CDK14: variants seen among roughly 807,000 people sequenced by gnomAD.
The protein encoded by CDK14 is cyclin-dependent kinase 14.
CDK14 carries 34 observed loss-of-function variants against 60.7 expected under a neutral mutation model. That is an observed-to-expected ratio of 0.56 (90% CI 0.43 to 0.75). The LOEUF (loss-of-function observed/expected upper bound fraction) is 0.75. Ranked by LOEUF, CDK14 falls within the 30% of genes least tolerant of loss-of-function variation. The pLI is 0.00. For missense variants in CDK14, 482 were observed against 564.1 expected (o/e 0.85, Z 1.47); for synonymous variants, 197 against 203.7 (o/e 0.97, Z 0.28).
At chr7:90,820,532 C>T (rs1465833555) in intron 5 of CDK14, among the ~76,000 whole-genome samples, 4 of 152,148 alleles carry the variant, frequency 2.6e-5, no homozygotes, top group Admixed American at 2.0e-4. Context: ...GTAAGATATG[C>T]CTTTCTTCTC....
intron 7 of CDK14, among the ~76,000 whole-genome samples, chr7:90,906,085 A>C (rs1404286500): frequency 1.4e-4 from 21 of 152,176 alleles, no homozygotes; most frequent in Non-Finnish European, 1.2e-4. Context: ...CAGATATGTC[A>C]TGGGTATTTC....
At chr7:91,065,311 A>G (rs550779084) in intron 11 of CDK14, among the ~76,000 whole-genome samples, 4 of 152,268 alleles carry the variant, frequency 2.6e-5, no homozygotes, top group Admixed American at 2.0e-4. Context: ...TCTCACTGAT[A>G]ATGCTGGGGC....
chr7:90,989,253 A>C (rs1795466031), intron 10 of CDK14, among the ~76,000 whole-genome samples: 1 of 152,180 alleles, frequency 6.6e-6, no homozygotes, highest in Non-Finnish European at 1.5e-5. Flanking sequence ...TGTAGAATGT[A>C]AGGGAAAGCT....
At chr7:91,099,901 A>G (rs1799104737) in intron 12 of CDK14, among the ~76,000 whole-genome samples, 1 of 152,128 alleles carries the variant, frequency 6.6e-6, no homozygotes, top group South Asian at 2.1e-4. Context: ...TTGTGAGGTT[A>G]GACTTTTAAG....
intron 7 of CDK14, among the ~76,000 whole-genome samples, chr7:90,906,172 T>C (rs1225745937): frequency 2.6e-5 from 4 of 152,144 alleles, no homozygotes. Context: ...ATGAAGAACA[T>C]AAAAATAATA....
intron 14 of CDK14, among the ~76,000 whole-genome samples, chr7:91,186,106 C>A (rs888713667): frequency 9.2e-6 from 1 of 108,380 alleles, no homozygotes; most frequent in African/African-American, 3.5e-5. Context: ...CTTCCTTCTC[C>A]CCTCCCCTCC....
At chr7:91,023,334 A>T (rs1430147549) in intron 10 of CDK14, among the ~76,000 whole-genome samples, 1 of 151,948 alleles carries the variant, frequency 6.6e-6, no homozygotes, top group East Asian at 1.9e-4. Flanking sequence ...TGGTGATGGG[A>T]TGGTGGTGTT....
At chr7:91,146,406 G>A (rs569498333) in intron 14 of CDK14, among the ~76,000 whole-genome samples, 102 of 152,032 alleles carry the variant, frequency 6.7e-4, no homozygotes, top group African/African-American at 2.2e-3. Context: ...TTGCCATGCC[G>A]GCCCTGCTGG....
At chr7:91,181,639 A>G (rs541772916) in intron 14 of CDK14, among the ~76,000 whole-genome samples, 3 of 152,308 alleles carry the variant, frequency 2.0e-5, no homozygotes, top group East Asian at 3.9e-4. Context: ...AAAAGACAAG[A>G]TGAAGGCTTG....
At chr7:91,012,507 CAG>C (rs1212184303) in intron 10 of CDK14, among the ~76,000 whole-genome samples, 1 of 152,162 alleles carries the variant, frequency 6.6e-6, no homozygotes, top group Non-Finnish European at 1.5e-5. Context: ...GTCTTCAACT[CAG>C]GGAGTTTTTC....
intron 14 of CDK14, among the ~76,000 whole-genome samples, chr7:91,150,459 A>G (rs1323858860): frequency 6.6e-6 from 1 of 152,100 alleles, no homozygotes; most frequent in Non-Finnish European, 1.5e-5. Flanking sequence ...GTCTAAAAGG[A>G]CTAGAAAGCC....
chr7:91,160,306 G>A (rs1398545430), intron 14 of CDK14, among the ~76,000 whole-genome samples: 1 of 152,058 alleles, frequency 6.6e-6, no homozygotes, highest in African/African-American at 2.4e-5. Context: ...TATTGTGCAT[G>A]GCCCATTCCA....
chr7:90,619,501 A>G (rs1338850987), intron 2 of CDK14, among the ~76,000 whole-genome samples: 3 of 152,268 alleles, frequency 2.0e-5, no homozygotes, highest in Non-Finnish European at 4.4e-5. Flanking sequence ...TAGGCCTCAG[A>G]TGAGTATTTT....
intron 14 of CDK14, among the ~76,000 whole-genome samples, chr7:91,136,357 C>A (rs1327076409): frequency 6.6e-6 from 1 of 152,136 alleles, no homozygotes; most frequent in African/African-American, 2.4e-5. Context: ...GGTCAGAAGT[C>A]AGGGCTTGTT....
chr7:91,192,112 A>G (rs1171161870), intron 14 of CDK14, among the ~76,000 whole-genome samples: 1 of 152,184 alleles, frequency 6.6e-6, no homozygotes, highest in Non-Finnish European at 1.5e-5. Flanking sequence ...CTAGCAAGGA[A>G]GGCACAAGTA....
chr7:90,709,807 T>G, intron 2 of CDK14: 1 of 1,427,238 alleles, frequency 7.0e-7, no homozygotes, highest in Non-Finnish European at 9.2e-7. Context: ...CCCCCTCTCT[T>G]GGTTGTAGTA....
At chr7:90,896,576 G>A (rs1792344317) in intron 6 of CDK14, among the ~76,000 whole-genome samples, 1 of 151,966 alleles carries the variant, frequency 6.6e-6, no homozygotes, top group African/African-American at 2.4e-5. Context: ...TGGTTTCTAG[G>A]TAACAATTAG....
At chr7:90,975,923 C>A (rs2115579522) in intron 9 of CDK14, among the ~76,000 whole-genome samples, 1 of 152,142 alleles carries the variant, frequency 6.6e-6, no homozygotes, top group South Asian at 2.1e-4. Context: ...ACCATATTTT[C>A]TTCATCCATT....
intron 4 of CDK14, among the ~76,000 whole-genome samples, chr7:90,779,691 C>T (rs1410792139): frequency 6.6e-6 from 1 of 152,210 alleles, no homozygotes; most frequent in Non-Finnish European, 1.5e-5. Flanking sequence ...CATATTTCAT[C>T]TATATTCATT....
Sources: gnomAD v4.1 joint callset for allele counts (sites outside exome capture counted in the v4.1 genomes callset) on GRCh38, gnomAD v4.1.1 for gene constraint, MANE v1.5 for transcripts, NCBI Gene and HGNC (gene_info 2026-07-23, HGNC 2026-07-21) for gene names.